Variants in TRIM16 observed in about 807,000 individuals in gnomAD.
The protein encoded by TRIM16 is tripartite motif containing 16, also known as tripartite motif-containing protein 16.
A neutral mutation model predicts 50.4 loss-of-function variants in TRIM16; 33 were observed. That is an observed-to-expected ratio of 0.65 (90% confidence interval 0.50 to 0.88). TRIM16 has a LOEUF of 0.88. Among genes scored for constraint, TRIM16 ranks in the 40% least tolerant of loss-of-function variants. TRIM16 has a pLI of 0.00. For synonymous variants in TRIM16, 229 were observed against 270.7 expected (o/e 0.85, Z 1.51); for missense variants, 581 against 686.8 (o/e 0.85, Z 1.72).
At chr17:15,668,444 C>G (rs1335969701) in intron 6 of TRIM16, among the ~76,000 whole-genome samples, 1 of 152,172 alleles carries the variant, frequency 6.6e-6, no homozygotes, top group Non-Finnish European at 1.5e-5. Context: ...CATGTCACTT[C>G]TCTGGTTAAA....
chr17:15,665,835 C>A (rs28550244), intron 6 of TRIM16, among the ~76,000 whole-genome samples: 15 of 152,230 alleles, frequency 9.9e-5, no homozygotes, highest in Non-Finnish European at 1.3e-4. Context: ...TATCCAACTA[C>A]TTTCTAAGTA....
chr17:15,632,601 G>C lies in TRIM16; in HGVS notation c.923C>G (p.Ser308Trp). 6.2e-7 allele frequency: 1 copy of C among 1,613,964 alleles called. No homozygotes were observed. The highest frequency in any genetic ancestry group is 8.5e-7 in the Non-Finnish European group (1 of 1,179,866). The stretch of plus-strand genomic sequence containing the variant: ...TTCCGTGATAACTTTGCGGATGCCC[G>C]AGAGTTTATCCTTCAGCCCTACGTA... ...SVYVGLKDKL[S>W]GIRKVITEST... The change falls in exon 10 of 12, where the codon TCG becomes TGG. Residue 308 changes from serine to tryptophan, a missense_variant. Around this residue, in one of 3 missense-constraint regions of TRIM16, gnomAD observed 450 missense variants for 544.3 expected, o/e 0.83. Coordinates refer to ENST00000649191, the MANE Select transcript of TRIM16 (RefSeq NM_001348119.1).
At chr17:15,631,977 C>T in intron 10 of TRIM16, 1 of 501,024 alleles carries the variant, frequency 2.0e-6, no homozygotes, top group South Asian at 2.1e-5. Flanking sequence ...ACAGAAATGC[C>T]AGCCGATCGC....
In TRIM16 at chr17:15,632,439, T is replaced by A. The variant is rs1245435724; in HGVS notation, c.1015+70A>T. On this transcript the variant is annotated intron_variant, in intron 10 of 11. Transcript: ENST00000649191. ...GATTTCATCCTCCCTTCCCTGACTCTCTCTCACCTTCCTATCATCTACTGC... is the reference window on the plus strand; with the variant it reads ...GATTTCATCCTCCCTTCCCTGACTCACTCTCACCTTCCTATCATCTACTGC... 2.7e-6 allele frequency: 4 copies of A among 1,477,068 alleles called. No individual in the cohort carries two copies. In the African/African-American group the frequency reaches 5.7e-5, roughly 21 times the overall value. The allele number at this position is 1,477,068 out of a possible 1,614,324, so 91.5% of individuals were successfully genotyped here.
intron 8 of TRIM16, among the ~76,000 whole-genome samples, chr17:15,636,661 G>T (rs1236734701): frequency 3.7e-5 from 5 of 133,908 alleles, no homozygotes; most frequent in African/African-American, 5.7e-5. Flanking sequence ...TAATCAGCAT[G>T]AATTAGCTTT....
At position 15,651,371 on chromosome 17, in the gene TRIM16, C is replaced by T. The variant is rs1307495312; in HGVS notation, c.239G>A (p.Cys80Tyr). The change falls in exon 7 of 12, where the codon TGC becomes TAC. Residue 80 changes from cysteine (C) to tyrosine (Y), a missense_variant. Coordinates refer to ENST00000649191, the MANE Select transcript of TRIM16 (RefSeq NM_001348119.1). ...CTTCACTCTTCTGGTGTCATCAAGG[C>T]AGAAGTCACACAGGACCTCTTTCCC... ...GEGKEVLCDF[C>Y]LDDTRRVKAV... 3 of 1,614,240 alleles carry T rather than the reference C, an allele frequency of 1.9e-6. No individual in the cohort carries two copies. The highest frequency in any genetic ancestry group is 2.2e-5 in the South Asian group (2 of 91,086).
Position 15,651,676 on chromosome 17 carries a change from C to T in TRIM16, c.-67G>A, listed in dbSNP as rs779118031. Reference sequence around the variant, plus strand: ...GGCCCAGGATCTGTGCAGCCCAAGTCAGACAAGAGAACCACGCCTAGATGA... The same window carrying T: ...GGCCCAGGATCTGTGCAGCCCAAGTTAGACAAGAGAACCACGCCTAGATGA... On this transcript the variant is annotated 5_prime_UTR_variant, in exon 7 of 12. An upstream open reading frame in the 5' UTR loses its in-frame stop. Coordinates refer to ENST00000649191, the MANE Select transcript of TRIM16 (RefSeq NM_001348119.1). The T allele has an allele frequency of 7.7e-6, 12 of 1,566,756 alleles. No individual in the cohort carries two copies. The highest frequency in any genetic ancestry group is 8.6e-6 in the Non-Finnish European group (10 of 1,158,250).
intron 4 of TRIM16, among the ~76,000 whole-genome samples, chr17:15,679,047 T>C (rs1989068310): frequency 6.6e-6 from 1 of 152,130 alleles, no homozygotes; most frequent in Non-Finnish European, 1.5e-5. Flanking sequence ...AGCTACTTTT[T>C]TTTGTATTTT....
intron 4 of TRIM16, among the ~76,000 whole-genome samples, chr17:15,679,333 T>C (rs1224520667): frequency 6.6e-6 from 1 of 152,128 alleles, no homozygotes; most frequent in Non-Finnish European, 1.5e-5. Context: ...GAACAAAGAA[T>C]GAGTTAAGTT....
At chr17:15,652,511 T>C (rs2150920429) in intron 6 of TRIM16, among the ~76,000 whole-genome samples, 1 of 131,232 alleles carries the variant, frequency 7.6e-6, no homozygotes, top group Non-Finnish European at 1.5e-5. Context: ...TCGCCCAGGC[T>C]GGAGTGCAGT....
intron 6 of TRIM16, among the ~76,000 whole-genome samples, chr17:15,669,323 T>G (rs1988629291): frequency 1.3e-5 from 2 of 151,392 alleles, no homozygotes; most frequent in South Asian, 4.2e-4. Flanking sequence ...ATATAGAAAT[T>G]ATAGGACATC....
intron 7 of TRIM16, among the ~76,000 whole-genome samples, chr17:15,648,823 A>C (rs1272747563): frequency 6.6e-6 from 1 of 152,226 alleles, no homozygotes; most frequent in Non-Finnish European, 1.5e-5. Context: ...TACAGAGTAA[A>C]CTTGCTCTCC....
chr17:15,673,873 G>C (rs1988816165), intron 6 of TRIM16, among the ~76,000 whole-genome samples: 1 of 152,104 alleles, frequency 6.6e-6, no homozygotes, highest in Non-Finnish European at 1.5e-5. Flanking sequence ...TTTTAAAAAT[G>C]TTTTCTAAAA....
chr17:15,651,864 G>C lies in TRIM16; in HGVS notation c.-255C>G, dbSNP rs1987726910. The C allele has an allele frequency of 2.8e-6, 4 of 1,411,700 alleles. No individual in the cohort carries two copies. In the Admixed American group the frequency reaches 1.2e-4, roughly 41 times the overall value. 87.4% of individuals were successfully genotyped at this position (1,411,700 alleles called of 1,614,324 possible). A position where few individuals can be genotyped will look rare whatever the true frequency, so the allele number is the denominator to read the frequency against. ...GCTCAGGCTCAGGCTGCCTCCCCAGGTCCAGCCCTGAAACTTCTATTCTTA... is the reference window on the plus strand; with the variant it reads ...GCTCAGGCTCAGGCTGCCTCCCCAGCTCCAGCCCTGAAACTTCTATTCTTA... On this transcript the variant is annotated 5_prime_UTR_variant, in exon 7 of 12. Coordinates refer to ENST00000649191, the MANE Select transcript of TRIM16 (RefSeq NM_001348119.1).
intron 11 of TRIM16, among the ~76,000 whole-genome samples, chr17:15,631,119 G>T (rs1986394460): frequency 6.6e-6 from 1 of 152,030 alleles, no homozygotes; most frequent in African/African-American, 2.4e-5. Flanking sequence ...GAATCACTTG[G>T]TAACTAGCCA....
chr17:15,658,247 G>C (rs1371450358), intron 6 of TRIM16, among the ~76,000 whole-genome samples: 2 of 152,176 alleles, frequency 1.3e-5, no homozygotes, highest in African/African-American at 4.8e-5. Context: ...CTGGTTTAGG[G>C]GTTTAAGGCC....
chr17:15,636,020 C>T lies in TRIM16; in HGVS notation c.849+16G>A. ...GGGGCAGCTGTGGGATGCCTCTGCC[C>T]CCGCAACCCCCATACCTCCAAGAAC... On this transcript the variant is annotated intron_variant, in intron 9 of 11. Transcript: ENST00000649191. 1 of 1,611,568 alleles carries T rather than the reference C, an allele frequency of 6.2e-7. No homozygotes were observed.
chr17:15,675,049 T>G (rs1467528450), intron 6 of TRIM16, among the ~76,000 whole-genome samples: 1 of 152,012 alleles, frequency 6.6e-6, no homozygotes, highest in Non-Finnish European at 1.5e-5. Context: ...CTAGAATTTC[T>G]TGGCTTATTC....
intron 4 of TRIM16, among the ~76,000 whole-genome samples, chr17:15,678,197 C>T (rs1201390546): frequency 6.9e-6 from 1 of 144,526 alleles, no homozygotes; most frequent in Non-Finnish European, 1.5e-5. Context: ...CCAGCCTGGG[C>T]AACAGAACGA....
Sources: allele counts gnomAD v4.1 joint callset (sites outside exome capture counted in the v4.1 genomes callset), GRCh38; gene constraint gnomAD v4.1.1; regional missense constraint gnomAD v4.1.1; transcripts MANE v1.5; gene names NCBI Gene and HGNC (gene_info 2026-07-23, HGNC 2026-07-21).